ANXA4: variants seen among roughly 807,000 people sequenced by gnomAD.
The protein encoded by ANXA4 is 35-beta calcimedin.
A neutral mutation model predicts 49.8 loss-of-function variants in ANXA4; 39 were observed. The ratio of observed to expected loss-of-function variants is 0.78; its 90% CI spans 0.61 to 1.02. The LOEUF is 1.02. Ranked by LOEUF, ANXA4 falls within the 50% of genes least tolerant of loss-of-function variation. ANXA4 has a pLI of 0.00. For missense variants in ANXA4, 360 were observed against 410.1 expected (o/e 0.88, Z 1.05); for synonymous variants, 134 against 152.5 (o/e 0.88, Z 0.89).
At chr2:69,814,682 T>C (rs1160740288) in intron 8 of ANXA4, 2 of 151,970 alleles carry the variant, frequency 1.3e-5, no homozygotes, top group African/African-American at 4.9e-5. Flanking sequence ...AGCAATGTAT[T>C]AGTCAGAATT....
chr2:69,745,703 G>A (rs989650799), intron 1 of ANXA4, among the ~76,000 whole-genome samples: 5 of 151,642 alleles, frequency 3.3e-5, no homozygotes, highest in African/African-American at 1.2e-4. Context: ...GCTAATTTTT[G>A]TATTTTTAGT....
intron 2 of ANXA4, among the ~76,000 whole-genome samples, chr2:69,689,627 G>A (rs192061099): frequency 2.1e-4 from 32 of 152,138 alleles, no homozygotes; most frequent in Non-Finnish European, 4.3e-4. Flanking sequence ...GTTTTATGGC[G>A]TATCATAATA....
intron 1 of ANXA4, among the ~76,000 whole-genome samples, chr2:69,749,962 CAT>C (rs1423660789): frequency 2.0e-5 from 3 of 151,644 alleles, no homozygotes; most frequent in Admixed American, 2.0e-4. Context: ...TCTATATTCT[CAT>C]ATGCTTATTA....
intron 1 of ANXA4, among the ~76,000 whole-genome samples, chr2:69,763,845 T>C (rs1292457939): frequency 6.6e-6 from 1 of 151,946 alleles, no homozygotes; most frequent in African/African-American, 2.4e-5. Context: ...ATATTTTTAG[T>C]GGAGATGGGG....
At chr2:69,644,165 T>TTCCCC (rs1553424953), upstream of ANXA4, among the ~76,000 whole-genome samples, 18 of 21,114 alleles carry the variant, frequency 8.5e-4, 2 homozygotes, top group African/African-American at 1.4e-3. Context: ...ACAACTAAGT[T>TTCCCC]CCCCCCCCCC....
chr2:69,805,520 C>T (rs749014953), intron 4 of ANXA4, among the ~76,000 whole-genome samples: 19 of 151,454 alleles, frequency 1.3e-4, no homozygotes, highest in Non-Finnish European at 1.2e-4. Flanking sequence ...GCAGGAGAAT[C>T]GCTTGAATCC....
At chr2:69,743,823 T>A (rs537831641) in intron 1 of ANXA4, among the ~76,000 whole-genome samples, 1 of 152,306 alleles carries the variant, frequency 6.6e-6, no homozygotes, top group South Asian at 2.1e-4. Context: ...TTAGGGATAA[T>A]GTTTCTCTGC....
chr2:69,800,634 T>C (rs1170709390), intron 3 of ANXA4, among the ~76,000 whole-genome samples: 2 of 152,146 alleles, frequency 1.3e-5, no homozygotes, highest in African/African-American at 4.8e-5. Context: ...TCTTGGAGGA[T>C]GTAGATGTTA....
At chr2:69,761,866 G>T (rs761323242) in intron 1 of ANXA4, among the ~76,000 whole-genome samples, 2 of 151,388 alleles carry the variant, frequency 1.3e-5, no homozygotes, top group Admixed American at 6.6e-5. Context: ...TCAAACTTGT[G>T]CTGTCTGTAA....
intron 2 of ANXA4, among the ~76,000 whole-genome samples, chr2:69,702,177 C>T (rs1678351024): frequency 6.7e-6 from 1 of 148,848 alleles, no homozygotes; most frequent in Non-Finnish European, 1.5e-5. Context: ...ACCCATGGCT[C>T]ATTTTTTTGT....
intron 1 of ANXA4, among the ~76,000 whole-genome samples, chr2:69,645,330 C>G (rs913724109): frequency 1.2e-4 from 18 of 152,232 alleles, no homozygotes; most frequent in African/African-American, 4.3e-4. Context: ...TAGCCACCTC[C>G]AGGGTGAAAT....
chr2:69,704,850 T>C (rs917050779), intron 2 of ANXA4, among the ~76,000 whole-genome samples: 5 of 152,216 alleles, frequency 3.3e-5, no homozygotes, highest in Non-Finnish European at 7.3e-5. Context: ...CATTTCTTTT[T>C]GGCCTATTTT....
intron 3 of ANXA4, among the ~76,000 whole-genome samples, chr2:69,796,953 C>T (rs1672971502): frequency 6.6e-6 from 1 of 152,012 alleles, no homozygotes; most frequent in Non-Finnish European, 1.5e-5. Flanking sequence ...GCATAGGGGA[C>T]CTTGGACCAT....
At chr2:69,703,232 CTT>C (rs11332710) in intron 2 of ANXA4, among the ~76,000 whole-genome samples, 25 of 147,492 alleles carry the variant, frequency 1.7e-4, no homozygotes, top group Non-Finnish European at 2.4e-4. Flanking sequence ...CTCTGGCTTC[CTT>C]TTTTTTTTTC....
Position 69,732,496 on chromosome 2 carries a change from C to T in ANXA4, n.864+11625C>T, listed in dbSNP as rs373362123. Among the ~76,000 whole-genome samples, 20 of 151,758 alleles carry T rather than the reference C, an allele frequency of 1.3e-4. 1 individual carries two copies. The South Asian group carries it at 3.3e-3, about 25-fold the overall frequency. On this transcript the variant is annotated intron_variant and non_coding_transcript_variant, in intron 3 of 3. Coordinates refer to the ANXA4 transcript ENST00000418066. Reference sequence around the variant, plus strand: ...AGTGTTGGCTGGGCGTGGTGGCTCACGCCTGTAATCCCAGCACTTTGGGAG... The same window carrying T: ...AGTGTTGGCTGGGCGTGGTGGCTCATGCCTGTAATCCCAGCACTTTGGGAG...
At chr2:69,721,142 T>C (rs1388394884) in intron 3 of ANXA4, among the ~76,000 whole-genome samples, 1 of 152,266 alleles carries the variant, frequency 6.6e-6, no homozygotes, top group Non-Finnish European at 1.5e-5. Context: ...ACATGTGGCA[T>C]GGACTCTCCG....
chr2:69,756,935 T>TTA (rs1276596840), intron 1 of ANXA4, among the ~76,000 whole-genome samples: 188 of 28,490 alleles, frequency 6.6e-3, no homozygotes, highest in African/African-American at 0.026. Flanking sequence ...TTAATTATTA[T>TTA]TTTTTTTTTT....
rs201603508 is a variant in ANXA4 at position 69,648,879 on chromosome 2, C to CTTT, written n.481+3975_481+3977dup. Among the ~76,000 whole-genome samples the CTTT allele has an allele frequency of 1.8e-3, 202 of 113,420 alleles. 7 individuals carry two copies. The highest frequency in any genetic ancestry group is 0.01 in the East Asian group (29 of 2,794). 74.4% of individuals were successfully genotyped at this position (113,420 alleles called of 152,430 possible). A position where few individuals can be genotyped will look rare whatever the true frequency, so the allele number is the denominator to read the frequency against. On this transcript the variant is annotated intron_variant and non_coding_transcript_variant, in intron 1 of 3. Coordinates refer to the ANXA4 transcript ENST00000418066. ...ATTTTTTTAATTTTTAATTTTCTTT[C>CTTT]TTTCTTTTCTTTTTTTTTTTTTTTG... is the stretch of plus-strand genomic sequence containing the variant.
intron 3 of ANXA4, among the ~76,000 whole-genome samples, chr2:69,801,991 C>A (rs1673219129): frequency 6.6e-6 from 1 of 152,132 alleles, no homozygotes; most frequent in African/African-American, 2.4e-5. Context: ...GCCTGGAGTG[C>A]AGCACAGTTG....
Sources: allele counts gnomAD v4.1 joint callset (sites outside exome capture counted in the v4.1 genomes callset), GRCh38; gene constraint gnomAD v4.1.1; transcripts MANE v1.5; gene names NCBI Gene and HGNC (gene_info 2026-07-23, HGNC 2026-07-21).